The following GALNT14 variants were observed in gnomAD, a reference collection of about 807,000 sequenced individuals.
GALNT14 encodes UDP-GalNAc:polypeptide N-acetylgalactosaminyltransferase 14.
Under a neutral mutation model 77.5 loss-of-function variants are expected in GALNT14, and 60 were observed. That is an observed-to-expected ratio of 0.77 (90% CI 0.63 to 0.96). The LOEUF (loss-of-function observed/expected upper bound fraction) is 0.96, where lower values mean the gene tolerates loss of function less well. GALNT14 is among the 40% of genes least tolerant of loss of function. The probability of loss-of-function intolerance (pLI) is 0.00; values close to 1 mark genes in which losing one functional copy is unlikely to be tolerated. For synonymous variants in GALNT14, 280 were observed against 281.7 expected, an observed-to-expected ratio of 0.99 and a Z score of 0.06; for missense variants, 710 against 731.0, an observed-to-expected ratio of 0.97 and a Z score of 0.33.
At chr2:31,008,674 G>A (rs557188054) in intron 1 of GALNT14, among the ~76,000 whole-genome samples, 2 of 152,350 alleles carry the variant, frequency 1.3e-5, no homozygotes, top group African/African-American at 4.8e-5. Flanking sequence ...ATGAGTGGTG[G>A]GAGGATGCGG....
At chr2:30,984,275 G>A (rs973029807) in intron 2 of GALNT14, among the ~76,000 whole-genome samples, 4 of 152,322 alleles carry the variant, frequency 2.6e-5, no homozygotes, top group African/African-American at 7.2e-5. Context: ...TCTAGCTCCC[G>A]GGCCAGCAGC....
chr2:30,960,219 C>T (rs1388991145), intron 3 of GALNT14, among the ~76,000 whole-genome samples: 2 of 152,078 alleles, frequency 1.3e-5, no homozygotes, highest in East Asian at 1.9e-4. Context: ...TCACCATGAT[C>T]GTCCCAAAGA....
chr2:31,119,783 T>A (rs1282566248), intron 1 of GALNT14, among the ~76,000 whole-genome samples: 1 of 152,200 alleles, frequency 6.6e-6, no homozygotes, highest in Non-Finnish European at 1.5e-5. Context: ...AGATGAGAGA[T>A]AAAGTGTATA....
rs1447241809 is a variant in GALNT14 at position 30,924,171 on chromosome 2, T to C, written c.1328A>G (p.Asn443Ser). ...SQRQNNQETP[N>S]LKLSPCAKVK... The stretch of plus-strand genomic sequence containing the variant: ...CTTGGCACAGGGGCTCAACTTTAGG[T>C]TTGGGGTTTCTTGGTTGTTCTGCCT... The change falls in exon 13 of 15, where the codon AAC becomes AGC. Residue 443 changes from asparagine to serine, a missense_variant. Physicochemically the swap from Asn to Ser is conservative, Grantham distance 46. Transcript: ENST00000349752. 1 of 1,614,146 alleles carries C rather than the reference T, an allele frequency of 6.2e-7. No homozygotes were observed. Among genetic ancestry groups the C allele is most frequent in the South Asian group, 1.1e-5 (1 of 91,088 alleles).
chr2:31,086,616 T>A (rs764144235), intron 1 of GALNT14, among the ~76,000 whole-genome samples: 14 of 152,072 alleles, frequency 9.2e-5, no homozygotes, highest in Non-Finnish European at 2.1e-4. Context: ...AGAAAACGCA[T>A]GAAGATGAAG....
chr2:30,942,252 A>G lies in GALNT14; in HGVS notation c.880T>C (p.Tyr294His), dbSNP rs1250220935. The change falls in exon 9 of 15, where the codon TAC becomes CAC. Residue 294 changes from tyrosine to histidine, a missense_variant. By Grantham distance (83) the Tyr-to-His change is moderately conservative. Transcript: ENST00000349752. ...LFVIDKAWFD[Y>H]LGKYDMDMDI... ...ATGTCCATATCATATTTCCCCAGGT[A>G]ATCAAACCAAGCTTTGTCGATCACG... 5.0e-6 allele frequency: 8 copies of G among 1,614,002 alleles called. No individual in the cohort carries two copies. The highest frequency in any genetic ancestry group is 6.8e-6 in the Non-Finnish European group (8 of 1,180,004).
At chr2:31,135,119 C>T (rs1372021259) in intron 1 of GALNT14, among the ~76,000 whole-genome samples, 4 of 152,192 alleles carry the variant, frequency 2.6e-5, no homozygotes, top group African/African-American at 9.7e-5. Context: ...TACATGCAGC[C>T]AACCAAACCA....
chr2:30,899,501 T>G, the GALNT14 span, among the ~76,000 whole-genome samples: 3 of 152,074 alleles, frequency 2.0e-5, no homozygotes, highest in Non-Finnish European at 4.4e-5. Flanking sequence ...GGCCAGGTAA[T>G]ATTTACTGGC....
intron 1 of GALNT14, among the ~76,000 whole-genome samples, chr2:31,039,879 T>A (rs908233737): frequency 9.9e-5 from 15 of 152,156 alleles, no homozygotes; most frequent in African/African-American, 3.6e-4. Context: ...AAACTTCACA[T>A]GAGAAATGTA....
At chr2:30,979,012 T>C (rs887815092) in intron 2 of GALNT14, among the ~76,000 whole-genome samples, 5 of 152,078 alleles carry the variant, frequency 3.3e-5, no homozygotes, top group African/African-American at 7.2e-5. Context: ...AAAGCAGCAA[T>C]GATGAGGCCT....
At chr2:30,976,235 A>T (rs193217659) in intron 2 of GALNT14, among the ~76,000 whole-genome samples, 2 of 152,254 alleles carry the variant, frequency 1.3e-5, no homozygotes, top group Admixed American at 1.3e-4. Context: ...TCTGGCCCCA[A>T]TCTACCTCCT....
chr2:31,022,735 C>A (rs1053293936), intron 1 of GALNT14, among the ~76,000 whole-genome samples: 1 of 152,142 alleles, frequency 6.6e-6, no homozygotes, highest in Admixed American at 6.5e-5. Context: ...TTATAGTACT[C>A]CCTAATATGT....
At chr2:30,960,951 CAG>C (rs1398057200) in intron 3 of GALNT14, among the ~76,000 whole-genome samples, 6 of 152,242 alleles carry the variant, frequency 3.9e-5, no homozygotes, top group Non-Finnish European at 2.9e-5. Flanking sequence ...TGTTCTAGAA[CAG>C]AGTCTTCTAT....
At chr2:31,089,141 C>T (rs890061693) in intron 1 of GALNT14, among the ~76,000 whole-genome samples, 1 of 152,184 alleles carries the variant, frequency 6.6e-6, no homozygotes, top group African/African-American at 2.4e-5. Context: ...CTAAGCCCCT[C>T]CTTCTCCTTG....
At chr2:30,964,064 G>A (rs551697868) in intron 3 of GALNT14, among the ~76,000 whole-genome samples, 78 of 152,322 alleles carry the variant, frequency 5.1e-4, no homozygotes, top group Admixed American at 9.8e-4. Context: ...AGCCCCTGAT[G>A]GGGTGCATGT....
the GALNT14 span, among the ~76,000 whole-genome samples, chr2:30,896,134 T>C: frequency 2.0e-5 from 3 of 152,284 alleles, no homozygotes; most frequent in South Asian, 6.2e-4. Flanking sequence ...AACATAGCAT[T>C]GGCATGTAAT....
At chr2:31,003,094 C>T (rs754164481) in intron 1 of GALNT14, among the ~76,000 whole-genome samples, 14 of 152,152 alleles carry the variant, frequency 9.2e-5, no homozygotes, top group Non-Finnish European at 1.9e-4. Flanking sequence ...AAGTCAATAT[C>T]CCACTTGGCT....
intron 1 of GALNT14, among the ~76,000 whole-genome samples, chr2:31,099,225 CA>C (rs1677150183): frequency 6.6e-6 from 1 of 151,990 alleles, no homozygotes; most frequent in Non-Finnish European, 1.5e-5. Context: ...CATCTTTTAA[CA>C]AATTTAGGTC....
chr2:30,957,468 G>A (rs1378958904), intron 4 of GALNT14, among the ~76,000 whole-genome samples: 2 of 152,122 alleles, frequency 1.3e-5, no homozygotes, highest in Non-Finnish European at 2.9e-5. Context: ...CCCCTCAGCA[G>A]GGCCAGTGTC....
Sources: allele counts gnomAD v4.1 joint callset (sites outside exome capture counted in the v4.1 genomes callset), GRCh38; gene constraint gnomAD v4.1.1; transcripts MANE v1.5; gene names NCBI Gene and HGNC (gene_info 2026-07-23, HGNC 2026-07-21).